The following DSCAML1 variants were observed in gnomAD, a reference collection of about 807,000 sequenced individuals.
DSCAML1 encodes the protein DS cell adhesion molecule like 1.
In DSCAML1, 38 loss-of-function variants were observed where a neutral mutation model predicts 200.5. The ratio of observed to expected loss-of-function variants is 0.19; its 90% CI spans 0.15 to 0.25. DSCAML1 has a LOEUF of 0.25. Among genes scored for constraint, DSCAML1 ranks in the 10% least tolerant of loss-of-function variants. DSCAML1 has a pLI of 1.00. For synonymous variants in DSCAML1, 1,215 were observed against 1,165.0 expected, an observed-to-expected ratio of 1.04 and a Z score of -0.87; for missense variants, 2,223 against 2,858.8, an observed-to-expected ratio of 0.78 and a Z score of 5.07.
At chr11:117,630,239 T>C (rs746840332) in intron 3 of DSCAML1, among the ~76,000 whole-genome samples, 28 of 150,236 alleles carry the variant, frequency 1.9e-4, no homozygotes, top group Non-Finnish European at 3.3e-4. Flanking sequence ...GAGGGAGGAG[T>C]GGGGAGAGGG....
intron 3 of DSCAML1, among the ~76,000 whole-genome samples, chr11:117,627,148 A>G (rs1421621011): frequency 6.6e-6 from 1 of 152,220 alleles, no homozygotes; most frequent in Non-Finnish European, 1.5e-5. Flanking sequence ...CAAGAGAAAT[A>G]TAATTTATTC....
chr11:117,472,077 C>T (rs1592630633), intron 14 of DSCAML1, 41 bp from the exon 15 acceptor site: 1 of 1,606,642 alleles, frequency 6.2e-7, no homozygotes, highest in South Asian at 1.1e-5. Context: ...GCCAGGCAAA[C>T]TCCAGGACCC....
intron 1 of DSCAML1, among the ~76,000 whole-genome samples, chr11:117,807,518 G>A (rs1313404044): frequency 6.6e-6 from 1 of 152,232 alleles, no homozygotes; most frequent in Non-Finnish European, 1.5e-5. Flanking sequence ...CTCATGAGCT[G>A]GGAGGACCAA....
chr11:117,782,181 C>T (rs750749956), intron 1 of DSCAML1, among the ~76,000 whole-genome samples: 11 of 152,182 alleles, frequency 7.2e-5, no homozygotes, highest in South Asian at 6.2e-4. Context: ...GGCCCACATC[C>T]GGCCGTATTA....
chr11:117,768,487 C>T (rs930258805), intron 3 of DSCAML1, among the ~76,000 whole-genome samples: 1 of 152,086 alleles, frequency 6.6e-6, no homozygotes, highest in Non-Finnish European at 1.5e-5. Context: ...AGCCCAGCAC[C>T]CAGAAAGGGG....
rs1487507977 is a variant in DSCAML1 at position 117,458,827 on chromosome 11, G to A, written c.3495C>T (p.Val1165=). 6 of 1,614,052 alleles carry A rather than the reference G, an allele frequency of 3.7e-6. No homozygotes were observed. The highest frequency in any genetic ancestry group is 5.1e-6 in the Non-Finnish European group (6 of 1,180,002). ...CAGCCTGGGTGTAGGCCAGCACCTG[G>A]ACGCTGTAGTTGGTGAACTTCTCCA... is the stretch of plus-strand genomic sequence containing the variant. The part of the protein sequence containing the change: ...RGMEKFTNYS[V]QVLAYTQAGD... Residue 1165 remains valine (V), a synonymous_variant, in exon 19 of 33, where the codon GTC becomes GTT. Transcript: ENST00000651296.
intron 1 of DSCAML1, among the ~76,000 whole-genome samples, chr11:117,810,866 T>C (rs1317324164): frequency 6.6e-6 from 1 of 152,032 alleles, no homozygotes; most frequent in Non-Finnish European, 1.5e-5. Context: ...GTCCCAAATC[T>C]TCCTTCTTTC....
intron 21 of DSCAML1, among the ~76,000 whole-genome samples, chr11:117,440,650 G>C (rs1004495677): frequency 2.0e-5 from 3 of 152,138 alleles, no homozygotes; most frequent in Non-Finnish European, 4.4e-5. Context: ...GGTGGCTCAC[G>C]CCTGTAATCC....
At chr11:117,687,027 C>T (rs1244880948) in intron 3 of DSCAML1, among the ~76,000 whole-genome samples, 2 of 152,154 alleles carry the variant, frequency 1.3e-5, no homozygotes, top group Admixed American at 1.3e-4. Flanking sequence ...TCTTATTAAC[C>T]CCATCTCTGC....
At chr11:117,540,297 G>A (rs1050056351) in intron 3 of DSCAML1, among the ~76,000 whole-genome samples, 2 of 152,132 alleles carry the variant, frequency 1.3e-5, no homozygotes, top group African/African-American at 2.4e-5. Context: ...ACAGGAGTGC[G>A]AACCCTATTG....
chr11:117,526,541 C>CA (rs1019505352), intron 4 of DSCAML1, among the ~76,000 whole-genome samples: 36 of 151,964 alleles, frequency 2.4e-4, no homozygotes, highest in African/African-American at 8.7e-4. Flanking sequence ...TTTTTTGAGA[C>CA]AGAGTCTCAC....
intron 14 of DSCAML1, among the ~76,000 whole-genome samples, chr11:117,476,685 C>T (rs587443): frequency 0.58 from 87,520 of 152,152 alleles, 26,986 homozygotes; most frequent in African/African-American, 0.79. Flanking sequence ...GATAGATTTG[C>T]GTGGATGGTG....
At chr11:117,493,302 C>T (rs1050458286) in intron 11 of DSCAML1, among the ~76,000 whole-genome samples, 4 of 150,856 alleles carry the variant, frequency 2.7e-5, no homozygotes. Context: ...CCAGTTTTCC[C>T]CCTGCCTCTG....
intron 3 of DSCAML1, among the ~76,000 whole-genome samples, chr11:117,610,548 C>G (rs553217198): frequency 2.0e-4 from 31 of 152,128 alleles, no homozygotes; most frequent in Non-Finnish European, 1.5e-5. Context: ...TGAGAACAGA[C>G]GGTGGGGAGG....
chr11:117,710,867 G>A (rs920531986), intron 3 of DSCAML1, among the ~76,000 whole-genome samples: 3 of 152,128 alleles, frequency 2.0e-5, no homozygotes, highest in Admixed American at 6.5e-5. Flanking sequence ...GAACATACTC[G>A]AAAAGAAAGA....
intron 3 of DSCAML1, among the ~76,000 whole-genome samples, chr11:117,619,967 G>A (rs2051892300): frequency 6.6e-6 from 1 of 151,978 alleles, no homozygotes; most frequent in South Asian, 2.1e-4. Context: ...AGCCTACGTG[G>A]GAATAATAAT....
intron 3 of DSCAML1, among the ~76,000 whole-genome samples, chr11:117,590,687 ACTG>A (rs1420115720): frequency 6.6e-6 from 1 of 152,170 alleles, no homozygotes; most frequent in African/African-American, 2.4e-5. Context: ...GGACTAAAGA[ACTG>A]CAGCAGAAAG....
chr11:117,471,803 G>A (rs559001037), intron 15 of DSCAML1, 66 bp downstream of exon 15: 25 of 1,225,808 alleles, frequency 2.0e-5, no homozygotes, highest in African/African-American at 1.0e-4. Flanking sequence ...GAACAGGATC[G>A]CTGTAGGCCC....
At chr11:117,748,006 CAT>C (rs766383355) in intron 3 of DSCAML1, among the ~76,000 whole-genome samples, 11 of 152,130 alleles carry the variant, frequency 7.2e-5, no homozygotes, top group Non-Finnish European at 1.5e-4. Flanking sequence ...CCGCAAGTCC[CAT>C]AAAATGCCAA....
Sources: allele counts gnomAD v4.1 joint callset (sites outside exome capture counted in the v4.1 genomes callset), GRCh38; gene constraint gnomAD v4.1.1; transcripts MANE v1.5; gene names NCBI Gene and HGNC (gene_info 2026-07-23, HGNC 2026-07-21).